EXTL1: variants seen among roughly 807,000 people sequenced by gnomAD.
EXTL1 encodes exostosin like glycosyltransferase 1.
In EXTL1, 43 loss-of-function variants were observed where a neutral mutation model predicts 64.6. The ratio of observed to expected loss-of-function variants is 0.67; its 90% CI spans 0.52 to 0.86. The LOEUF (loss-of-function observed/expected upper bound fraction) is 0.86. EXTL1 is among the 40% of genes least tolerant of loss of function. EXTL1 has a pLI of 0.00. For synonymous variants in EXTL1, 352 were observed against 360.5 expected (o/e 0.98, Z 0.27); for missense variants, 766 against 879.0 (o/e 0.87, Z 1.62).
At position 26,031,542 on chromosome 1, in the gene EXTL1, G is replaced by A. The variant is rs1272953836; in HGVS notation, c.1317G>A (p.Val439=). The A allele has an allele frequency of 1.9e-6, 3 of 1,596,824 alleles. No individual in the cohort carries two copies. Among genetic ancestry groups the A allele is most frequent in the East Asian group, 2.3e-5 (1 of 44,224 alleles). ...GQPPLKLIQA[V]AGSQHCAQIL... is the part of the protein sequence containing the mutation. ...CCCCTCTGAAGCTCATCCAGGCGGT[G>A]GCAGGCTCCCAGCACTGTGCCCAGG... The change falls in exon 6 of 11, where the codon GTG becomes GTA. Residue 439 remains valine (V), a synonymous_variant. Coordinates refer to ENST00000374280, the MANE Select transcript of EXTL1 (RefSeq NM_004455.3).
chr1:26,027,693 A>AAAAAAAACAAAAAAAAAAG (rs1553141860), intron 1 of EXTL1, among the ~76,000 whole-genome samples: 3 of 131,458 alleles, frequency 2.3e-5, no homozygotes, highest in Non-Finnish European at 4.9e-5. Context: ...CATCTCTAAA[A>AAAAAAAACAAAAAAAAAAG]AAAAAAAAAA....
At chr1:26,027,370 T>C (rs1409179557) in intron 1 of EXTL1, among the ~76,000 whole-genome samples, 5 of 152,182 alleles carry the variant, frequency 3.3e-5, no homozygotes, top group Non-Finnish European at 7.3e-5. Flanking sequence ...ATAGAGGTGC[T>C]GTGAGAATGA....
At position 26,022,434 on chromosome 1, in the gene EXTL1, G is replaced by T. The variant is rs2050160385; in HGVS notation, c.-213G>T. On this transcript the variant is annotated 5_prime_UTR_variant, in exon 1 of 11. Coordinates refer to ENST00000374280, the MANE Select transcript of EXTL1 (RefSeq NM_004455.3). Reference sequence around the variant, plus strand: ...CAGGGGGGCCAGGCCAGCAAGCTGGGTCCCACCTGGCCTCCTCCTGCCTGG... The same window carrying T: ...CAGGGGGGCCAGGCCAGCAAGCTGGTTCCCACCTGGCCTCCTCCTGCCTGG... 1.2e-5 allele frequency: 6 copies of T among 513,912 alleles called. No homozygotes were observed. Among genetic ancestry groups the T allele is most frequent in the African/African-American group, 2.0e-5 (1 of 50,682 alleles). 31.8% of individuals were successfully genotyped at this position (513,912 alleles called of 1,614,324 possible). A position where few individuals can be genotyped will look rare whatever the true frequency, so the allele number is the denominator to read the frequency against.
At position 26,022,320 on chromosome 1, in the gene EXTL1, C is replaced by T; in HGVS notation, c.-327C>T. On this transcript the variant is annotated 5_prime_UTR_variant, in exon 1 of 11. Coordinates refer to ENST00000374280, the MANE Select transcript of EXTL1 (RefSeq NM_004455.3). ...GCATTCTGGACAGGGGTTGCGTCAG[C>T]CAGAGCAGTGCCCAGGGGCAGGGGT... The T allele has an allele frequency of 3.4e-6, 1 of 291,486 alleles. No homozygotes were observed. Among genetic ancestry groups the T allele is most frequent in the East Asian group, 6.8e-5 (1 of 14,712 alleles). 18.1% of individuals were successfully genotyped at this position (291,486 alleles called of 1,614,324 possible).
At chr1:26,024,885 A>G (rs945444906) in intron 1 of EXTL1, among the ~76,000 whole-genome samples, 1 of 152,172 alleles carries the variant, frequency 6.6e-6, no homozygotes, top group African/African-American at 2.4e-5. Flanking sequence ...TTCAGTCTGA[A>G]CTTCTTTGAG....
Position 26,035,460 on chromosome 1 carries a change from C to A in EXTL1, c.*113C>A. 1 of 981,804 alleles carries A rather than the reference C, an allele frequency of 1.0e-6. No individual in the cohort carries two copies. Among genetic ancestry groups the A allele is most frequent in the Non-Finnish European group, 1.5e-6 (1 of 681,750 alleles). The allele number at this position is 981,804 out of a possible 1,614,324, so 60.8% of individuals were successfully genotyped here. A position where few individuals can be genotyped will look rare whatever the true frequency, so the allele number is the denominator to read the frequency against. The stretch of plus-strand genomic sequence containing the variant: ...CCGGAGAACCTATCATGTCAGCCAG[C>A]GGGCCCACACGTCGGACCCCGGTTG... On this transcript the variant is annotated 3_prime_UTR_variant, in exon 11 of 11. Coordinates refer to ENST00000374280, the MANE Select transcript of EXTL1 (RefSeq NM_004455.3). The surrounding 1 kb of genome is among the most constrained non-coding windows in gnomAD (Gnocchi z 5.3).
At position 26,022,489 on chromosome 1, in the gene EXTL1, G is replaced by A; in HGVS notation, c.-158G>A. 1.6e-6 allele frequency: 1 copy of A among 618,976 alleles called. No homozygotes were observed. The highest frequency in any genetic ancestry group is 2.8e-6 in the Non-Finnish European group (1 of 353,944). The allele number at this position is 618,976 out of a possible 1,614,324, so 38.3% of individuals were successfully genotyped here. On this transcript the variant is annotated 5_prime_UTR_variant, in exon 1 of 11. Coordinates refer to ENST00000374280, the MANE Select transcript of EXTL1 (RefSeq NM_004455.3). The stretch of plus-strand genomic sequence containing the variant: ...TGACTCACTATCTGACCTTAGACAG[G>A]CGGCCTGGTCTCGATGGGCCTCAGT...
intron 1 of EXTL1, among the ~76,000 whole-genome samples, chr1:26,026,028 C>T (rs1324081153): frequency 6.6e-6 from 1 of 151,896 alleles, no homozygotes; most frequent in Non-Finnish European, 1.5e-5. Flanking sequence ...GAGGCTGAGG[C>T]GGGTGGATCG....
In EXTL1 at chr1:26,034,528, A is replaced by C. The variant is rs1417484906; in HGVS notation, c.1680-308A>C. On this transcript the variant is annotated intron_variant, in intron 9 of 10. Coordinates refer to ENST00000374280, the MANE Select transcript of EXTL1 (RefSeq NM_004455.3). This position sits in a 1 kb window ranked among gnomAD's most constrained non-coding sequence, Gnocchi z 4.6. ...ACTGTTCTTTGGGCTTCCATGTTTG[A>C]TGGCTTTGAAACCAGCTGATCCAAA... is the stretch of plus-strand genomic sequence containing the variant. 6.6e-6 allele frequency among the ~76,000 whole-genome samples: 1 copy of C among 152,104 alleles called. No individual in the cohort carries two copies. The highest frequency in any genetic ancestry group is 1.5e-5 in the Non-Finnish European group (1 of 68,014).
chr1:26,023,113 G>A lies in EXTL1; in HGVS notation c.467G>A (p.Gly156Asp). 1.2e-6 allele frequency: 2 copies of A among 1,613,936 alleles called. No homozygotes were observed. Among genetic ancestry groups the A allele is most frequent in the Non-Finnish European group, 1.7e-6 (2 of 1,179,984 alleles). Residue 156 changes from glycine (G) to aspartate (D), a missense_variant, in exon 1 of 11, where the codon GGC becomes GAC. By Grantham distance (94) the Gly-to-Asp change is moderately conservative. Around this residue, in one of 3 missense-constraint regions of EXTL1, gnomAD observed 571 missense variants for 647.6 expected, o/e 0.88. Transcript: ENST00000374280. Reference protein sequence around the residue: ...CSSMPLQWNRGRNHLVLRLHP... With the variant: ...CSSMPLQWNRDRNHLVLRLHP... ...TCAATGCCTCTGCAATGGAACAGGG[G>A]CAGGAACCATCTGGTCCTCCGTCTC...
chr1:26,022,560 A>G lies in EXTL1; in HGVS notation c.-87A>G. Reference sequence around the variant, plus strand: ...AGCACAGGACTAGCAGGTCGGTCCCAGCTCTGGTCTCCCGCCCCAGGCCCT... The same window carrying G: ...AGCACAGGACTAGCAGGTCGGTCCCGGCTCTGGTCTCCCGCCCCAGGCCCT... On this transcript the variant is annotated 5_prime_UTR_variant, in exon 1 of 11. Transcript: ENST00000374280. The G allele has an allele frequency of 1.7e-6, 2 of 1,161,108 alleles. No homozygotes were observed. Among genetic ancestry groups the G allele is most frequent in the Non-Finnish European group, 2.5e-6 (2 of 809,636 alleles). The allele number at this position is 1,161,108 out of a possible 1,614,324, so 71.9% of individuals were successfully genotyped here.
Position 26,033,030 on chromosome 1 carries a change from G to A in EXTL1, c.1432-199G>A, listed in dbSNP as rs1297708401. On this transcript the variant is annotated intron_variant, in intron 7 of 10. Transcript: ENST00000374280. The surrounding 1 kb of genome is among the most constrained non-coding windows in gnomAD (Gnocchi z 5.1). The stretch of plus-strand genomic sequence containing the variant: ...CAAAGGGGAAACTGAGATCCAAAGA[G>A]GTCAAATGAGTTGCCCAGGTCCCAA... Among the ~76,000 whole-genome samples the A allele has an allele frequency of 6.6e-6, 1 of 152,188 alleles. No individual in the cohort carries two copies. Among genetic ancestry groups the A allele is most frequent in the African/African-American group, 2.4e-5 (1 of 41,438 alleles).
intron 6 of EXTL1, among the ~76,000 whole-genome samples, chr1:26,031,777 C>T (rs534226077): frequency 6.6e-6 from 1 of 152,266 alleles, no homozygotes; most frequent in Non-Finnish European, 1.5e-5. Context: ...AAGCAGATGT[C>T]TCTTGGGGAG....
Position 26,029,593 on chromosome 1 carries a change from C to T in EXTL1, c.874-7C>T. On this transcript the variant is annotated splice_region_variant and splice_polypyrimidine_tract_variant and intron_variant, in intron 2 of 10. Coordinates refer to ENST00000374280, the MANE Select transcript of EXTL1 (RefSeq NM_004455.3). The stretch of plus-strand genomic sequence containing the variant: ...CTGGGCTCCCCAGTGACCTCCCCGC[C>T]CCCCAGGCCGGCTGCATCCCAGTGC... 1.3e-6 allele frequency: 2 copies of T among 1,580,394 alleles called. No individual in the cohort carries two copies. Among genetic ancestry groups the T allele is most frequent in the East Asian group, 4.5e-5 (2 of 44,376 alleles).
In EXTL1 at chr1:26,033,390, C is replaced by T; in HGVS notation, c.1518+75C>T. ...AGGGCCCTGGCAGCCCCTCAGGTTC[C>T]CAGGGTTGAGGGGACCCCAGGTCAT... On this transcript the variant is annotated intron_variant, in intron 8 of 10. Coordinates refer to ENST00000374280, the MANE Select transcript of EXTL1 (RefSeq NM_004455.3). This position sits in a 1 kb window ranked among gnomAD's most constrained non-coding sequence, Gnocchi z 5.1. 7.4e-7 allele frequency: 1 copy of T among 1,356,542 alleles called. No individual in the cohort carries two copies. Among genetic ancestry groups the T allele is most frequent in the South Asian group, 1.2e-5 (1 of 85,726 alleles). 84.0% of individuals were successfully genotyped at this position (1,356,542 alleles called of 1,614,324 possible).
intron 7 of EXTL1, 67 bp downstream of exon 7, chr1:26,032,552 G>A: frequency 8.1e-7 from 1 of 1,235,010 alleles, no homozygotes; most frequent in Non-Finnish European, 1.1e-6. Flanking sequence ...GCACCCATGG[G>A]GTGTTTTATG....
In EXTL1 at chr1:26,032,485, G is replaced by A. The variant is rs1043541791; in HGVS notation, c.1431G>A (p.Lys477=). Residue 477 remains lysine (K), a splice_region_variant and synonymous_variant, in exon 7 of 11, where the codon AAG becomes AAA. Transcript: ENST00000374280. The part of the protein sequence containing the change: ...VPLTVIDGHR[K]VSDRFYPYST... ...TGACAGTCATTGATGGGCACAGGAA[G>A]GTAAGGGATGAGGAGAGCCATGAAA... The A allele has an allele frequency of 1.9e-6, 3 of 1,550,614 alleles. No individual in the cohort carries two copies. The highest frequency in any genetic ancestry group is 3.9e-5 in the Admixed American group (2 of 50,962).
chr1:26,030,731 C>A, intron 4 of EXTL1, 136 bp downstream of exon 4: 1 of 1,022,826 alleles, frequency 9.8e-7, no homozygotes, highest in Non-Finnish European at 1.4e-6. Flanking sequence ...GAATCTGAGA[C>A]TTGGCTGTGA....
In EXTL1 at chr1:26,033,565, T is replaced by A. The variant is rs1347706577; in HGVS notation, c.1519-131T>A. On this transcript the variant is annotated intron_variant, in intron 8 of 10. Coordinates refer to ENST00000374280, the MANE Select transcript of EXTL1 (RefSeq NM_004455.3). The surrounding 1 kb of genome is among the most constrained non-coding windows in gnomAD (Gnocchi z 5.1). ...TGCCACACTTCCAGCCAATTCCAAG[T>A]CTTGGCTCCCGCGCCCTCTCCCCTG... 3 of 925,690 alleles carry A rather than the reference T, an allele frequency of 3.2e-6. No homozygotes were observed. Among genetic ancestry groups the A allele is most frequent in the Non-Finnish European group, 5.1e-6 (3 of 593,526 alleles). 57.3% of individuals were successfully genotyped at this position (925,690 alleles called of 1,614,324 possible). A position where few individuals can be genotyped will look rare whatever the true frequency, so the allele number is the denominator to read the frequency against.
Sources: gnomAD v4.1 joint callset for allele counts (sites outside exome capture counted in the v4.1 genomes callset) on GRCh38, gnomAD v4.1.1 for gene constraint, gnomAD v4.1.1 regional missense constraint, Gnocchi (gnomAD v3.1) non-coding constraint, MANE v1.5 for transcripts, NCBI Gene and HGNC (gene_info 2026-07-23, HGNC 2026-07-21) for gene names.